The following METTL15 variants were observed in gnomAD, a reference collection of about 807,000 sequenced individuals.
METTL15 encodes the protein methyltransferase 15, mitochondrial 12S rRNA N4-cytidine, also known as 12S rRNA N(4)-cytidine methyltransferase METTL15.
A neutral mutation model predicts 38.3 loss-of-function variants in METTL15; 34 were observed. That is an observed-to-expected ratio of 0.89 (90% CI 0.68 to 1.18). The LOEUF (loss-of-function observed/expected upper bound fraction) is 1.18. Ranked by LOEUF, METTL15 falls within the 50% of genes most tolerant of loss-of-function variation. The pLI, the probability that METTL15 is intolerant of heterozygous loss-of-function variation, is 0.00. For missense variants in METTL15, 438 were observed against 498.4 expected, an observed-to-expected ratio of 0.88 and a Z score of 1.15; for synonymous variants, 162 against 170.9, an observed-to-expected ratio of 0.95 and a Z score of 0.41.
At chr11:28,156,347 T>C (rs185273075) in intron 3 of METTL15, among the ~76,000 whole-genome samples, 205 of 152,324 alleles carry the variant, frequency 1.3e-3, no homozygotes, top group Non-Finnish European at 2.2e-3. Context: ...ATCTTTCTAT[T>C]CATGTCATAA....
chr11:28,183,061 CTGTTAT>C (rs1851355465), intron 3 of METTL15, among the ~76,000 whole-genome samples: 1 of 151,962 alleles, frequency 6.6e-6, no homozygotes, highest in Non-Finnish European at 1.5e-5. Context: ...CTCTGTTTGT[CTGTTAT>C]TGGTGTATAG....
chr11:28,320,254 T>C (rs1002276321), intron 6 of METTL15, among the ~76,000 whole-genome samples: 2 of 151,436 alleles, frequency 1.3e-5, no homozygotes, highest in Non-Finnish European at 2.9e-5. Context: ...TATTTTAGCC[T>C]TGTAGAGCCG....
intron 4 of METTL15, among the ~76,000 whole-genome samples, chr11:28,213,556 C>A (rs561261412): frequency 6.7e-6 from 1 of 148,960 alleles, no homozygotes; most frequent in Non-Finnish European, 1.5e-5. Context: ...ATGTCATTAC[C>A]GTAATAGAAA....
intron 4 of METTL15, among the ~76,000 whole-genome samples, chr11:28,274,931 A>G (rs918260949): frequency 2.6e-5 from 4 of 151,482 alleles, no homozygotes; most frequent in African/African-American, 9.7e-5. Flanking sequence ...AACTTAAAGT[A>G]TAATACAAAA....
chr11:28,148,755 A>G (rs1379996109), intron 3 of METTL15, among the ~76,000 whole-genome samples: 2 of 151,876 alleles, frequency 1.3e-5, no homozygotes, highest in African/African-American at 4.8e-5. Flanking sequence ...AACTTTTTCA[A>G]AATTCTTCCT....
At chr11:28,163,176 C>A (rs908781385) in intron 3 of METTL15, among the ~76,000 whole-genome samples, 1 of 151,828 alleles carries the variant, frequency 6.6e-6, no homozygotes, top group African/African-American at 2.4e-5. Context: ...ATTTGTAATA[C>A]GTAGTCAAGA....
At chr11:28,227,614 A>G (rs1440994836) in intron 4 of METTL15, among the ~76,000 whole-genome samples, 3 of 151,954 alleles carry the variant, frequency 2.0e-5, no homozygotes, top group African/African-American at 7.2e-5. Context: ...GGAATGACAG[A>G]GTGGTAAGTT....
rs563677078 is a variant in METTL15 at position 28,354,174 on chromosome 11, C to A, written c.*258+2016C>A. On this transcript the variant is annotated intron_variant and NMD_transcript_variant, in intron 4 of 7. Coordinates refer to the METTL15 transcript ENST00000532947. ...TCTATGGGGCTAGGAAAGGTCCCAG[C>A]AGAACTCTTAAGGACCCACAAAAGC... Among the ~76,000 whole-genome samples, 87 of 152,246 alleles carry A rather than the reference C, an allele frequency of 5.7e-4. No homozygotes were observed. The South Asian group carries it at 5.8e-3, about 10-fold the overall frequency.
chr11:28,152,545 T>C (rs1333877038), intron 3 of METTL15, among the ~76,000 whole-genome samples: 1 of 151,990 alleles, frequency 6.6e-6, no homozygotes, highest in Non-Finnish European at 1.5e-5. Context: ...TCACAGTCTT[T>C]GAGGGCCTTT....
At chr11:28,390,904 T>C (rs1475488219) in intron 5 of METTL15, among the ~76,000 whole-genome samples, 1 of 152,166 alleles carries the variant, frequency 6.6e-6, no homozygotes, top group Non-Finnish European at 1.5e-5. Flanking sequence ...TTTTATTTCA[T>C]TGAGCAGTGG....
chr11:28,135,668 A>G (rs558340912), intron 3 of METTL15, among the ~76,000 whole-genome samples: 3 of 152,386 alleles, frequency 2.0e-5, no homozygotes, highest in African/African-American at 7.2e-5. Flanking sequence ...TTATTATTGC[A>G]TAGATGCAAA....
intron 4 of METTL15, among the ~76,000 whole-genome samples, chr11:28,353,931 C>CA (rs374097845): frequency 0.13 from 5,483 of 43,416 alleles, 203 homozygotes; most frequent in Non-Finnish European, 0.15. Flanking sequence ...GACTCCGTCT[C>CA]AAAAAAAAAA....
chr11:28,235,037 T>C lies in METTL15; in HGVS notation c.407+23839T>C, dbSNP rs543868050. On this transcript the variant is annotated intron_variant, in intron 4 of 6. Coordinates refer to ENST00000407364, the MANE Select transcript of METTL15 (RefSeq NM_001113528.2). ...CTTTCTACATGTGGCTAGCCAGTTT[T>C]CCCAGCACCATTTATTAAATAGGGA... is the stretch of plus-strand genomic sequence containing the variant. 2.4e-3 allele frequency among the ~76,000 whole-genome samples: 370 copies of C among 152,266 alleles called. 2 individuals carry two copies. The highest frequency in any genetic ancestry group is 7.3e-3 in the East Asian group (38 of 5,180).
chr11:28,506,019 C>T (rs1404571077), intron 6 of METTL15, among the ~76,000 whole-genome samples: 1 of 152,202 alleles, frequency 6.6e-6, no homozygotes, highest in East Asian at 1.9e-4. Flanking sequence ...TGTGAGAGCC[C>T]TCATTTTGCT....
At chr11:28,269,481 A>G (rs1855559938) in intron 4 of METTL15, among the ~76,000 whole-genome samples, 2 of 152,064 alleles carry the variant, frequency 1.3e-5, no homozygotes, top group Admixed American at 1.3e-4. Context: ...TGAGTGTCAT[A>G]GTTTTATTTT....
At chr11:28,497,887 C>T (rs1185590415) in intron 6 of METTL15, among the ~76,000 whole-genome samples, 3 of 152,070 alleles carry the variant, frequency 2.0e-5, no homozygotes, top group Non-Finnish European at 4.4e-5. Flanking sequence ...AATCCCATCT[C>T]TACTAAAAAT....
At chr11:28,182,905 A>G (rs924848742) in intron 3 of METTL15, among the ~76,000 whole-genome samples, 1 of 151,848 alleles carries the variant, frequency 6.6e-6, no homozygotes, top group Admixed American at 6.6e-5. Flanking sequence ...ATGTTTTTCT[A>G]TTTGTTTGTG....
intron 5 of METTL15, among the ~76,000 whole-genome samples, chr11:28,423,362 A>G (rs1850837840): frequency 6.6e-6 from 1 of 152,028 alleles, no homozygotes; most frequent in African/African-American, 2.4e-5. Context: ...CCCCCCAAAA[A>G]AAGAAAATCA....
chr11:28,219,783 A>G (rs1261063257), intron 4 of METTL15, among the ~76,000 whole-genome samples: 1 of 152,108 alleles, frequency 6.6e-6, no homozygotes, highest in Non-Finnish European at 1.5e-5. Flanking sequence ...TTGGTTTCAA[A>G]GAACATCTTT....
Sources: gnomAD v4.1 joint callset for allele counts (sites outside exome capture counted in the v4.1 genomes callset) on GRCh38, gnomAD v4.1.1 for gene constraint, MANE v1.5 for transcripts, NCBI Gene and HGNC (gene_info 2026-07-23, HGNC 2026-07-21) for gene names.